The following RSRC1 variants were observed in gnomAD, a reference collection of about 807,000 sequenced individuals.
RSRC1 encodes serine/Arginine-related protein 53.
Under a neutral mutation model 49.1 loss-of-function variants are expected in RSRC1, and 39 were observed. The ratio of observed to expected loss-of-function variants is 0.79; its 90% CI spans 0.61 to 1.04. The LOEUF (loss-of-function observed/expected upper bound fraction) is 1.04, where lower values mean the gene tolerates loss of function less well. RSRC1 is among the 50% of genes least tolerant of loss of function. The probability of loss-of-function intolerance (pLI) is 0.00; values close to 1 mark genes in which losing one functional copy is unlikely to be tolerated. For synonymous variants in RSRC1, 143 were observed against 130.8 expected, an observed-to-expected ratio of 1.09 and a Z score of -0.63; for missense variants, 388 against 402.4, an observed-to-expected ratio of 0.96 and a Z score of 0.31.
At chr3:158,208,078 C>A (rs867807163) in intron 4 of RSRC1, among the ~76,000 whole-genome samples, 32 of 152,166 alleles carry the variant, frequency 2.1e-4, no homozygotes, top group South Asian at 6.2e-4. Flanking sequence ...CCTTATAACA[C>A]TGTGTGAATG....
In RSRC1 at chr3:158,291,588, A is replaced by C. The variant is rs185797909; in HGVS notation, c.495-6451A>C. On this transcript the variant is annotated intron_variant, in intron 4 of 9. Transcript: ENST00000611884. ...GGGAATGATGAGAAAAATTGTCATTACTTTACTGGGAGAATCAAGTAATTT... is the reference window on the plus strand; with the variant it reads ...GGGAATGATGAGAAAAATTGTCATTCCTTTACTGGGAGAATCAAGTAATTT... Among the ~76,000 whole-genome samples, 535 of 152,320 alleles carry C rather than the reference A, an allele frequency of 3.5e-3. 2 individuals are homozygous for C. Among genetic ancestry groups the C allele is most frequent in the African/African-American group, 0.012 (498 of 41,584 alleles).
At chr3:158,483,054 C>G (rs778443409) in intron 7 of RSRC1, among the ~76,000 whole-genome samples, 9 of 151,938 alleles carry the variant, frequency 5.9e-5, no homozygotes, top group Non-Finnish European at 1.3e-4. Flanking sequence ...GGGGCTTGTG[C>G]TATTTTAAAT....
At chr3:158,361,502 C>T (rs1044223372) in intron 6 of RSRC1, among the ~76,000 whole-genome samples, 4 of 152,156 alleles carry the variant, frequency 2.6e-5, no homozygotes, top group East Asian at 1.9e-4. Flanking sequence ...TTGCTGGTCC[C>T]GTAGCCACTT....
intron 6 of RSRC1, among the ~76,000 whole-genome samples, chr3:158,391,018 G>A (rs942809192): frequency 9.2e-5 from 14 of 151,948 alleles, no homozygotes; most frequent in African/African-American, 2.4e-4. Context: ...TAACAGTTGC[G>A]TATCTGCTTC....
At chr3:158,116,318 A>G (rs1714812322) in intron 1 of RSRC1, among the ~76,000 whole-genome samples, 1 of 151,392 alleles carries the variant, frequency 6.6e-6, no homozygotes, top group East Asian at 1.9e-4. Flanking sequence ...TTAAAATAAA[A>G]TAATGTTTCA....
intron 4 of RSRC1, among the ~76,000 whole-genome samples, chr3:158,247,280 G>A (rs1276459057): frequency 1.3e-5 from 2 of 151,980 alleles, no homozygotes; most frequent in African/African-American, 4.8e-5. Context: ...GTTTTATTCT[G>A]ATTCTTAGCT....
chr3:158,390,483 T>A (rs1382911290), intron 6 of RSRC1, among the ~76,000 whole-genome samples: 1 of 152,164 alleles, frequency 6.6e-6, no homozygotes, highest in Non-Finnish European at 1.5e-5. Context: ...TGATTTGGAA[T>A]TGAAACTAAG....
At chr3:158,489,452 G>T (rs1738974706) in intron 7 of RSRC1, among the ~76,000 whole-genome samples, 1 of 152,130 alleles carries the variant, frequency 6.6e-6, no homozygotes, top group African/African-American at 2.4e-5. Context: ...TATGATCTTT[G>T]TGCATGTATG....
intron 6 of RSRC1, among the ~76,000 whole-genome samples, chr3:158,394,054 C>T (rs983844518): frequency 6.6e-6 from 1 of 151,964 alleles, no homozygotes; most frequent in Non-Finnish European, 1.5e-5. Context: ...AAACAGAAAC[C>T]ACATGATCAT....
chr3:158,291,697 A>G (rs1347294866), intron 4 of RSRC1, among the ~76,000 whole-genome samples: 1 of 152,304 alleles, frequency 6.6e-6, no homozygotes, highest in East Asian at 1.9e-4. Flanking sequence ...CAGAAAGAAT[A>G]GTATTTTTTC....
chr3:158,251,865 G>T (rs544508175), intron 4 of RSRC1, among the ~76,000 whole-genome samples: 31 of 152,244 alleles, frequency 2.0e-4, no homozygotes, highest in African/African-American at 6.7e-4. Flanking sequence ...GAGTAACAGT[G>T]GTGAATGTGT....
In RSRC1 at chr3:158,203,112, A is replaced by G. The variant is rs754380356; in HGVS notation, c.361A>G (p.Ser121Gly). ...RPRLRSHSRS[S>G]ERSSHRRTRS... is the part of the protein sequence containing the mutation. ...TCGTCTCCGTTCTCATAGTCGTAGC[A>G]GTGAAAGGTCCAGTCACAGAAGAAC... Residue 121 changes from serine to glycine, a missense_variant, in exon 4 of 10, where the codon AGT becomes GGT. Coordinates refer to ENST00000611884, the MANE Select transcript of RSRC1 (RefSeq NM_001271838.2). The G allele has an allele frequency of 1.2e-6, 2 of 1,613,834 alleles. No homozygotes were observed. The highest frequency in any genetic ancestry group is 1.1e-5 in the South Asian group (1 of 91,064).
rs148448697 is a variant in RSRC1 at position 158,519,702 on chromosome 3, G to T, written c.653-17390G>T. Among the ~76,000 whole-genome samples, 4 of 152,210 alleles carry T rather than the reference G, an allele frequency of 2.6e-5. No homozygotes were observed. The East Asian group carries it at 7.7e-4, about 29-fold the overall frequency. On this transcript the variant is annotated intron_variant, in intron 7 of 9. Transcript: ENST00000611884. ...ATGAGTTAAGAGGCCAATTAAAAGTGATGCTTTGAATTTAAGGGGTGAGAG... is the reference window on the plus strand; with the variant it reads ...ATGAGTTAAGAGGCCAATTAAAAGTTATGCTTTGAATTTAAGGGGTGAGAG...
At chr3:158,112,354 G>A (rs979018921) in intron 1 of RSRC1, among the ~76,000 whole-genome samples, 19 of 152,162 alleles carry the variant, frequency 1.2e-4, no homozygotes, top group African/African-American at 4.3e-4. Flanking sequence ...TTAATTACAT[G>A]CTGATGATAT....
intron 6 of RSRC1, among the ~76,000 whole-genome samples, chr3:158,379,591 C>T (rs959794135): frequency 6.6e-6 from 1 of 152,074 alleles, no homozygotes; most frequent in African/African-American, 2.4e-5. Context: ...ATTTCATCTC[C>T]TGTTCTCCTC....
intron 8 of RSRC1, among the ~76,000 whole-genome samples, chr3:158,542,249 G>A (rs898373922): frequency 2.6e-5 from 4 of 152,178 alleles, no homozygotes; most frequent in African/African-American, 9.6e-5. Flanking sequence ...AACATTATGT[G>A]GCTGGGCACG....
intron 7 of RSRC1, among the ~76,000 whole-genome samples, chr3:158,516,179 T>C (rs1740519113): frequency 6.6e-6 from 1 of 152,194 alleles, no homozygotes; most frequent in Non-Finnish European, 1.5e-5. Context: ...GTGCTCGCTT[T>C]TTAGAGTTTC....
chr3:158,487,365 G>GA (rs1738854371), intron 7 of RSRC1, among the ~76,000 whole-genome samples: 2 of 152,078 alleles, frequency 1.3e-5, no homozygotes, highest in South Asian at 4.2e-4. Context: ...ATACTTCTTT[G>GA]ATACCATGAC....
intron 6 of RSRC1, among the ~76,000 whole-genome samples, chr3:158,430,714 C>T (rs1735733102): frequency 6.6e-6 from 1 of 151,874 alleles, no homozygotes; most frequent in African/African-American, 2.4e-5. Context: ...TTTTCTGTAC[C>T]ACACTATGAG....
Sources: allele counts gnomAD v4.1 joint callset (sites outside exome capture counted in the v4.1 genomes callset), GRCh38; gene constraint gnomAD v4.1.1; transcripts MANE v1.5; gene names NCBI Gene and HGNC (gene_info 2026-07-23, HGNC 2026-07-21).